Variants in SCART1 observed in about 807,000 individuals in gnomAD.
SCART1 encodes scavenger receptor cysteine-rich domain-containing protein SCART1.
Under a neutral mutation model 36.2 loss-of-function variants are expected in SCART1, and 62 were observed. That is an observed-to-expected ratio of 1.71 (90% CI 1.40 to 2.12). SCART1 has a LOEUF of 2.12. Among genes scored for constraint, SCART1 ranks in the 30% most tolerant of loss-of-function variants. The pLI is 0.00. For missense variants in SCART1, 1,041 were observed against 540.5 expected (o/e 1.93, Z -9.18); for synonymous variants, 487 against 238.7 (o/e 2.04, Z -9.59).
chr10:133,463,696 T>G (rs1279638104), intron 6 of SCART1, among the ~76,000 whole-genome samples: 1 of 152,102 alleles, frequency 6.6e-6, no homozygotes, highest in Non-Finnish European at 1.5e-5. Context: ...TTTTCTTTTT[T>G]TAAATTGACA....
chr10:133,466,104 C>T (rs1850762163), intron 9 of SCART1, 131 bp from the exon 10 acceptor site: 2 of 629,192 alleles, frequency 3.2e-6, no homozygotes, highest in East Asian at 2.7e-5. Context: ...CAGATGCCCC[C>T]CCAGCACTTC....
intron 6 of SCART1, among the ~76,000 whole-genome samples, chr10:133,460,496 A>ATATATATATATATATATTTTTTTTT: frequency 1.5e-5 from 2 of 136,016 alleles, no homozygotes; most frequent in South Asian, 2.7e-4. Flanking sequence ...ATATTTATAT[A>ATATATATATATATATATTTTTTTTT]TTTTAAAAAA....
chr10:133,457,131 C>T, intron 2 of SCART1, 148 bp from the exon 3 acceptor site: 1 of 621,750 alleles, frequency 1.6e-6, no homozygotes, highest in Non-Finnish European at 2.8e-6. Context: ...TCTCTCTGAG[C>T]CCAGGGCCCT....
chr10:133,456,693 C>T, intron 2 of SCART1, 139 bp downstream of exon 2: 1 of 583,516 alleles, frequency 1.7e-6, no homozygotes, highest in South Asian at 2.2e-5. Flanking sequence ...GGGTCTGGAG[C>T]TCTCTCTGGG....
exon 7 of SCART1, chr10:133,464,798 G>A: frequency 1.4e-6 from 1 of 702,630 alleles, no homozygotes; most frequent in Non-Finnish European, 2.6e-6. Flanking sequence ...CCCCTCTGCG[G>A]GCACCGGGAC....
intron 11 of SCART1, among the ~76,000 whole-genome samples, 171 bp from the exon 12 acceptor site, chr10:133,467,676 T>C (rs1013899768): frequency 6.6e-6 from 1 of 152,162 alleles, no homozygotes; most frequent in African/African-American, 2.4e-5. Flanking sequence ...GTGGGAGCTG[T>C]GCTGCTGTCA....
chr10:133,459,159 A>T (rs1276810853), exon 5 of SCART1: 1 of 702,918 alleles, frequency 1.4e-6, no homozygotes, highest in Middle Eastern at 2.3e-4. Flanking sequence ...AACTGTGGCA[A>T]CGCGGTGGCC....
exon 6 of SCART1, chr10:133,459,775 C>G (rs1850672135): frequency 1.5e-6 from 1 of 679,662 alleles, no homozygotes; most frequent in Non-Finnish European, 2.7e-6. Flanking sequence ...CCCGCGGGGA[C>G]CTCGCGGGAC....
intron 2 of SCART1, 159 bp from the exon 3 acceptor site, chr10:133,457,120 G>T (rs945783181): frequency 3.3e-6 from 2 of 605,830 alleles, no homozygotes; most frequent in Admixed American, 6.0e-5. Context: ...GGGCACAGGG[G>T]TCTCTCTGAG....
chr10:133,454,156 C>A (rs1406977505), intron 1 of SCART1, 92 bp downstream of exon 1: 1 of 696,430 alleles, frequency 1.4e-6, no homozygotes, highest in Admixed American at 2.0e-5. Flanking sequence ...CCTGCAGTGA[C>A]CTGCCGTCTG....
At chr10:133,467,250 G>A (rs1222982713) in exon 11 of SCART1, 2 of 702,934 alleles carry the variant, frequency 2.8e-6, no homozygotes, top group Admixed American at 4.0e-5. Flanking sequence ...ATGTCATTGG[G>A]GAAATGCCGC....
chr10:133,458,779 T>C, intron 4 of SCART1, 123 bp downstream of exon 4: 1 of 672,058 alleles, frequency 1.5e-6, no homozygotes, highest in Non-Finnish European at 2.6e-6. Flanking sequence ...CTTCTGTTGG[T>C]TGAAAGAAGC....
exon 6 of SCART1, chr10:133,459,960 C>T (rs1292034913): frequency 1.8e-6 from 1 of 543,274 alleles, no homozygotes; most frequent in Non-Finnish European, 3.2e-6. Flanking sequence ...TGCCTGGGAC[C>T]TGCGGGACGC....
chr10:133,459,289 C>T (rs557800302), exon 5 of SCART1: 1 of 650,114 alleles, frequency 1.5e-6, no homozygotes, highest in East Asian at 2.7e-5. Flanking sequence ...GGGCCCCGGC[C>T]TGTGCCCCGG....
At chr10:133,466,068 G>A in intron 9 of SCART1, 167 bp from the exon 10 acceptor site, 1 of 631,612 alleles carries the variant, frequency 1.6e-6, no homozygotes, top group Admixed American at 2.5e-5. Flanking sequence ...TAGCCATTTT[G>A]GGGTGCTCTG....
Position 133,466,396 on chromosome 10 carries a change from A to G in SCART1, c.2806+15A>G. The G allele has an allele frequency of 1.4e-6, 1 of 699,558 alleles. No homozygotes were observed. Among genetic ancestry groups the G allele is most frequent in the Non-Finnish European group, 2.6e-6 (1 of 383,392 alleles). 43.3% of individuals were successfully genotyped at this position (699,558 alleles called of 1,614,324 possible). A position where few individuals can be genotyped will look rare whatever the true frequency, so the allele number is the denominator to read the frequency against. On this transcript the variant is annotated intron_variant, in intron 10 of 11. Transcript: ENST00000640237. ...CATGCAGAGGGGTAAGCGTGAGCCCACCCTGATCCCATCAACTGGTGTGCA... is the reference window on the plus strand; with the variant it reads ...CATGCAGAGGGGTAAGCGTGAGCCCGCCCTGATCCCATCAACTGGTGTGCA...
intron 6 of SCART1, among the ~76,000 whole-genome samples, chr10:133,460,430 C>T (rs932144822): frequency 1.4e-5 from 2 of 146,934 alleles, no homozygotes; most frequent in Non-Finnish European, 3.0e-5. Flanking sequence ...CATTTTCCGC[C>T]GTAACCAGCT....
exon 12 of SCART1, chr10:133,467,922 A>T (rs1282466262): frequency 1.4e-6 from 1 of 699,726 alleles, no homozygotes; most frequent in Admixed American, 2.0e-5. Flanking sequence ...CCTGTTTCTC[A>T]GGGATATGAC....
Position 133,457,108 on chromosome 10 carries a change from C to T in SCART1, c.386-171C>T, listed in dbSNP as rs1850626289. 1.5e-5 allele frequency: 9 copies of T among 594,896 alleles called. No individual in the cohort carries two copies. In the South Asian group the frequency reaches 1.9e-4, roughly 13 times the overall value. The allele number at this position is 594,896 out of a possible 1,614,324, so 36.9% of individuals were successfully genotyped here. ...AGGAGACCAGCAGCAGAGCATGAAGCTGGGCACAGGGGTCTCTCTGAGCCC... is the reference window on the plus strand; with the variant it reads ...AGGAGACCAGCAGCAGAGCATGAAGTTGGGCACAGGGGTCTCTCTGAGCCC... On this transcript the variant is annotated intron_variant, in intron 2 of 11. Transcript: ENST00000640237.
Sources: gnomAD v4.1 joint callset for allele counts (sites outside exome capture counted in the v4.1 genomes callset) on GRCh38, gnomAD v4.1.1 for gene constraint, MANE v1.5 for transcripts, NCBI Gene and HGNC (gene_info 2026-07-23, HGNC 2026-07-21) for gene names.